GLT1D1: variants seen among roughly 807,000 people sequenced by gnomAD.
GLT1D1 encodes glycosyltransferase 1 domain-containing protein 1.
GLT1D1 carries 21 observed loss-of-function variants against 28.7 expected under a neutral mutation model. The ratio of observed to expected loss-of-function variants is 0.73; its 90% CI spans 0.52 to 1.05. GLT1D1 has a LOEUF of 1.05. Among genes scored for constraint, GLT1D1 ranks in the 50% least tolerant of loss-of-function variants. The pLI, the probability that GLT1D1 is intolerant of heterozygous loss-of-function variation, is 0.00. For synonymous variants in GLT1D1, 147 were observed against 124.8 expected (o/e 1.18, Z -1.19); for missense variants, 343 against 330.6 (o/e 1.04, Z -0.29).
intron 7 of GLT1D1, among the ~76,000 whole-genome samples, chr12:128,967,664 T>G (rs773345335): frequency 1.8e-4 from 28 of 152,376 alleles, no homozygotes; most frequent in Non-Finnish European, 3.5e-4. Context: ...TGCAGAGCAC[T>G]GAGAACCCAG....
intron 7 of GLT1D1, among the ~76,000 whole-genome samples, chr12:128,960,058 T>C (rs1275171034): frequency 2.0e-5 from 3 of 152,182 alleles, no homozygotes; most frequent in Non-Finnish European, 4.4e-5. Flanking sequence ...GTGCCGCCGA[T>C]GTATTCAGGT....
intron 4 of GLT1D1, among the ~76,000 whole-genome samples, chr12:128,901,476 G>A (rs753816478): frequency 6.0e-4 from 87 of 144,162 alleles, no homozygotes; most frequent in Non-Finnish European, 7.7e-4. Flanking sequence ...TCGCTCTGTC[G>A]CCCAGGCTGG....
At chr12:128,956,177 A>AAGAG (rs1173289495) in intron 6 of GLT1D1, among the ~76,000 whole-genome samples, 5 of 80,338 alleles carry the variant, frequency 6.2e-5, no homozygotes. Flanking sequence ...AAAAAAGAGA[A>AAGAG]AGAGAGAAAG....
chr12:128,875,836 G>A, intron 1 of GLT1D1, 78 bp from the exon 2 acceptor site: 3 of 1,172,338 alleles, frequency 2.6e-6, no homozygotes, highest in Admixed American at 2.4e-5. Flanking sequence ...AAAAAAAAAA[G>A]TCTTAACTGT....
At position 128,945,314 on chromosome 12, in the gene GLT1D1, G is replaced by T; in HGVS notation, c.376-12G>T. The T allele has an allele frequency of 1.9e-6, 3 of 1,614,008 alleles. No homozygotes were observed. The highest frequency in any genetic ancestry group is 2.5e-6 in the Non-Finnish European group (3 of 1,179,872). On this transcript the variant is annotated splice_polypyrimidine_tract_variant and intron_variant, in intron 4 of 7. Coordinates refer to ENST00000281703, the MANE Select transcript of GLT1D1 (RefSeq NM_144669.3). Reference sequence around the variant, plus strand: ...GCGGCGACCGCTGACATTTATCTTTGTCTCTTTTCAGGTCGATCCAGTGTT... The same window carrying T: ...GCGGCGACCGCTGACATTTATCTTTTTCTCTTTTCAGGTCGATCCAGTGTT...
intron 7 of GLT1D1, among the ~76,000 whole-genome samples, chr12:128,973,853 A>T (rs566072222): frequency 1.3e-5 from 2 of 148,858 alleles, no homozygotes; most frequent in African/African-American, 5.0e-5. Context: ...TTTTAGCTTC[A>T]TCGGTGGCTC....
chr12:128,897,088 C>A (rs1425891654), intron 3 of GLT1D1, among the ~76,000 whole-genome samples: 1 of 152,136 alleles, frequency 6.6e-6, no homozygotes, highest in Admixed American at 6.5e-5. Context: ...ATTTTTAAAA[C>A]TGCCAATCTT....
chr12:128,918,182 G>T (rs906828111), intron 4 of GLT1D1, among the ~76,000 whole-genome samples: 3 of 152,132 alleles, frequency 2.0e-5, no homozygotes, highest in African/African-American at 7.2e-5. Flanking sequence ...GCTGGAAGCC[G>T]TTATCCTCAG....
chr12:128,952,099 G>A (rs1565908075), intron 6 of GLT1D1, among the ~76,000 whole-genome samples: 1 of 152,270 alleles, frequency 6.6e-6, no homozygotes, highest in East Asian at 1.9e-4. Context: ...TGCCGCAGCG[G>A]ACAGACGCTA....
At chr12:128,951,775 G>A (rs567951504) in intron 6 of GLT1D1, among the ~76,000 whole-genome samples, 3 of 152,340 alleles carry the variant, frequency 2.0e-5, no homozygotes, top group South Asian at 2.1e-4. Context: ...TCCTTAAGAC[G>A]TTTCCTTTGT....
At chr12:128,905,873 G>T (rs1870811301) in intron 4 of GLT1D1, among the ~76,000 whole-genome samples, 1 of 151,702 alleles carries the variant, frequency 6.6e-6, no homozygotes, top group Non-Finnish European at 1.5e-5. Flanking sequence ...TGTTGCCCAG[G>T]CTGGATGGAG....
intron 4 of GLT1D1, among the ~76,000 whole-genome samples, chr12:128,913,838 T>G (rs1355042084): frequency 6.6e-6 from 1 of 152,172 alleles, no homozygotes; most frequent in African/African-American, 2.4e-5. Flanking sequence ...CATTTTGAAG[T>G]GCGTTTAACC....
At chr12:128,975,212 C>T (rs1242771052) in intron 7 of GLT1D1, among the ~76,000 whole-genome samples, 1 of 152,094 alleles carries the variant, frequency 6.6e-6, no homozygotes, top group African/African-American at 2.4e-5. Flanking sequence ...GGCCCACTGG[C>T]AGATTCACTG....
At chr12:128,897,998 G>T (rs1869847484) in intron 3 of GLT1D1, among the ~76,000 whole-genome samples, 1 of 152,090 alleles carries the variant, frequency 6.6e-6, no homozygotes, top group Admixed American at 6.6e-5. Flanking sequence ...ATGTATTTGG[G>T]TCTGTTTCTG....
intron 1 of GLT1D1, among the ~76,000 whole-genome samples, chr12:128,869,690 T>G (rs963157963): frequency 6.6e-6 from 1 of 152,140 alleles, no homozygotes; most frequent in Non-Finnish European, 1.5e-5. Context: ...GTTTTAGTGC[T>G]CAGCTGCCCC....
intron 2 of GLT1D1, among the ~76,000 whole-genome samples, chr12:128,879,864 A>G (rs1956994929): frequency 6.6e-6 from 1 of 152,228 alleles, no homozygotes; most frequent in Admixed American, 6.5e-5. Flanking sequence ...CTACTTTTCC[A>G]AATCCACAAA....
intron 1 of GLT1D1, among the ~76,000 whole-genome samples, chr12:128,870,267 A>AAAC (rs933007323): frequency 1.3e-5 from 2 of 152,164 alleles, no homozygotes; most frequent in Non-Finnish European, 2.9e-5. Flanking sequence ...GACTGTCTCA[A>AAAC]AACAACAACA....
chr12:128,965,018 G>A (rs1878319025), intron 7 of GLT1D1, among the ~76,000 whole-genome samples: 1 of 152,240 alleles, frequency 6.6e-6, no homozygotes, highest in African/African-American at 2.4e-5. Flanking sequence ...ACATAGAGGA[G>A]TGTGGTGAGC....
chr12:128,904,715 C>A (rs1453385694), intron 4 of GLT1D1, among the ~76,000 whole-genome samples: 1 of 149,774 alleles, frequency 6.7e-6, no homozygotes, highest in Non-Finnish European at 1.5e-5. Flanking sequence ...CTCACCGCAA[C>A]CTGCGGCTCC....
Sources: allele counts gnomAD v4.1 joint callset (sites outside exome capture counted in the v4.1 genomes callset), GRCh38; gene constraint gnomAD v4.1.1; transcripts MANE v1.5; gene names NCBI Gene and HGNC (gene_info 2026-07-23, HGNC 2026-07-21).